Variants in ERP44 observed in about 807,000 individuals in gnomAD.
ERP44 encodes endoplasmic reticulum resident protein 44.
ERP44 carries 25 observed loss-of-function variants against 53.4 expected under a neutral mutation model. The ratio of observed to expected loss-of-function variants is 0.47; its 90% CI spans 0.34 to 0.65. The LOEUF is 0.65. Among genes scored for constraint, ERP44 ranks in the 30% least tolerant of loss-of-function variants. The pLI is 0.01. For synonymous variants in ERP44, 145 were observed against 161.2 expected (o/e 0.90, Z 0.76); for missense variants, 338 against 493.2 (o/e 0.69, Z 2.98).
intron 3 of ERP44, among the ~76,000 whole-genome samples, chr9:100,055,580 A>C (rs1351789316): frequency 6.6e-6 from 1 of 152,190 alleles, no homozygotes; most frequent in Admixed American, 6.5e-5. Context: ...CATGTTCGTC[A>C]GGCTAGTCTG....
intron 8 of ERP44, among the ~76,000 whole-genome samples, chr9:100,012,820 T>A (rs1281819963): frequency 6.6e-6 from 1 of 152,136 alleles, no homozygotes; most frequent in Non-Finnish European, 1.5e-5. Context: ...CAGCTAAAAA[T>A]CCTGGACATT....
intron 1 of ERP44, among the ~76,000 whole-genome samples, chr9:100,066,905 TC>T (rs1410024169): frequency 6.6e-6 from 1 of 152,028 alleles, no homozygotes. Context: ...CTATTCACAT[TC>T]CCAGAAGCAC....
intron 11 of ERP44, among the ~76,000 whole-genome samples, chr9:99,983,222 G>A (rs1047451668): frequency 1.3e-5 from 2 of 152,144 alleles, no homozygotes; most frequent in Admixed American, 6.5e-5. Flanking sequence ...TATTTTACTT[G>A]TGTACCAAGA....
intron 1 of ERP44, among the ~76,000 whole-genome samples, chr9:100,077,798 T>C (rs183729529): frequency 6.6e-6 from 1 of 152,292 alleles, no homozygotes; most frequent in African/African-American, 2.4e-5. Flanking sequence ...TACTACTCCA[T>C]AACAGAGGTA....
chr9:100,072,672 G>A (rs369713427), intron 1 of ERP44, among the ~76,000 whole-genome samples: 3 of 152,064 alleles, frequency 2.0e-5, no homozygotes, highest in African/African-American at 7.2e-5. Flanking sequence ...ACAAGTGTGC[G>A]CCACCACGTC....
intron 10 of ERP44, among the ~76,000 whole-genome samples, chr9:100,004,117 C>G (rs1830404898): frequency 6.6e-6 from 1 of 152,116 alleles, no homozygotes; most frequent in Non-Finnish European, 1.5e-5. Flanking sequence ...GAGCCTGGGT[C>G]CACTTGTGTT....
At chr9:100,066,842 G>A (rs72731393) in intron 1 of ERP44, among the ~76,000 whole-genome samples, 3 of 152,278 alleles carry the variant, frequency 2.0e-5, no homozygotes, top group Non-Finnish European at 4.4e-5. Context: ...AGCTGAGGCT[G>A]ACAGGAACTA....
intron 4 of ERP44, among the ~76,000 whole-genome samples, chr9:100,043,601 A>G (rs1453150538): frequency 1.3e-5 from 2 of 152,010 alleles, no homozygotes; most frequent in African/African-American, 4.8e-5. Context: ...CTAAATCTAC[A>G]AAAATTAGCT....
chr9:100,071,031 CTT>C (rs1012348412), intron 1 of ERP44, among the ~76,000 whole-genome samples: 1 of 149,850 alleles, frequency 6.7e-6, no homozygotes, highest in African/African-American at 2.5e-5. Flanking sequence ...TTTCACTTGA[CTT>C]TTACACAATT....
intron 4 of ERP44, among the ~76,000 whole-genome samples, chr9:100,037,952 GA>G (rs1237971588): frequency 2.0e-5 from 3 of 152,040 alleles, no homozygotes; most frequent in African/African-American, 7.2e-5. Flanking sequence ...ACTGCTGAAG[GA>G]AAAAGACTTT....
chr9:100,032,103 T>C (rs898023373), intron 4 of ERP44, among the ~76,000 whole-genome samples: 1 of 152,160 alleles, frequency 6.6e-6, no homozygotes, highest in Non-Finnish European at 1.5e-5. Context: ...CCATGGGAGA[T>C]GGGCTGGCTC....
intron 4 of ERP44, among the ~76,000 whole-genome samples, chr9:100,049,938 A>G (rs1225348123): frequency 6.6e-6 from 1 of 152,162 alleles, no homozygotes; most frequent in Admixed American, 6.6e-5. Flanking sequence ...GTGAACAGAT[A>G]AACAAATTGT....
At position 100,073,267 on chromosome 9, in the gene ERP44, T is replaced by G. The variant is rs989193078; in HGVS notation, c.58-13095A>C. On this transcript the variant is annotated intron_variant, in intron 1 of 11. Transcript: ENST00000262455. ...ATTTTAAAAGTAATGCATGATCAAG[T>G]TTTTTTTAAAAAAACTAAACAATTG... is the stretch of plus-strand genomic sequence containing the variant. Among the ~76,000 whole-genome samples, 4 of 152,110 alleles carry G rather than the reference T, an allele frequency of 2.6e-5. No homozygotes were observed. The East Asian group carries it at 5.8e-4, about 22-fold the overall frequency.
intron 10 of ERP44, among the ~76,000 whole-genome samples, chr9:99,997,010 T>TGC (rs1554706067): frequency 0.012 from 1,890 of 151,418 alleles, 30 homozygotes; most frequent in African/African-American, 0.044. Context: ...TATATATATA[T>TGC]GCACATATAC....
intron 10 of ERP44, among the ~76,000 whole-genome samples, chr9:99,987,293 T>C (rs1338464098): frequency 6.6e-6 from 1 of 152,170 alleles, no homozygotes; most frequent in Non-Finnish European, 1.5e-5. Flanking sequence ...GTCAAGAAAA[T>C]AGACTACGTG....
chr9:100,046,702 CCT>C (rs943492141), intron 4 of ERP44, among the ~76,000 whole-genome samples: 3 of 152,022 alleles, frequency 2.0e-5, no homozygotes, highest in Non-Finnish European at 4.4e-5. Context: ...CACAAATTGC[CCT>C]GAGGATTCAA....
At chr9:100,040,115 C>T (rs1825886215) in intron 4 of ERP44, among the ~76,000 whole-genome samples, 1 of 152,070 alleles carries the variant, frequency 6.6e-6, no homozygotes, top group African/African-American at 2.4e-5. Flanking sequence ...GATACCAATC[C>T]TACTCAAACT....
chr9:99,998,984 C>T (rs933269229), intron 10 of ERP44: 26 of 1,344,284 alleles, frequency 1.9e-5, no homozygotes, highest in African/African-American at 2.9e-5. Flanking sequence ...CTCAGGTCGG[C>T]GGCAAAGAAC....
At chr9:100,090,884 CTCT>C (rs1003058517) in intron 1 of ERP44, among the ~76,000 whole-genome samples, 4 of 152,014 alleles carry the variant, frequency 2.6e-5, no homozygotes, top group African/African-American at 4.8e-5. Flanking sequence ...TCCTAATGAC[CTCT>C]TTTTTATTTT....
Sources: allele counts gnomAD v4.1 joint callset (sites outside exome capture counted in the v4.1 genomes callset), GRCh38; gene constraint gnomAD v4.1.1; transcripts MANE v1.5; gene names NCBI Gene and HGNC (gene_info 2026-07-23, HGNC 2026-07-21).